Variants in LAMA3 observed in about 807,000 individuals in gnomAD.
LAMA3 encodes laminin subunit alpha 3.
In LAMA3, 281 loss-of-function variants were observed where a neutral mutation model predicts 402.0. The ratio of observed to expected loss-of-function variants is 0.70; its 90% confidence interval spans 0.63 to 0.77. The LOEUF is 0.77. Among genes scored for constraint, LAMA3 ranks in the 30% least tolerant of loss-of-function variants. The probability of loss-of-function intolerance (pLI) is 0.00; values close to 1 mark genes in which losing one functional copy is unlikely to be tolerated. For missense variants in LAMA3, 3,840 were observed against 4,215.5 expected (o/e 0.91, Z 2.47); for synonymous variants, 1,431 against 1,558.4 (o/e 0.92, Z 1.93).
intron 12 of LAMA3, among the ~76,000 whole-genome samples, chr18:23,799,250 T>C (rs2062824253): frequency 6.6e-6 from 1 of 151,988 alleles, no homozygotes; most frequent in South Asian, 2.1e-4. Context: ...CAATGAGGAG[T>C]AGACAAGAAA....
chr18:23,805,125 G>A (rs1447963754), intron 12 of LAMA3, among the ~76,000 whole-genome samples: 1 of 152,132 alleles, frequency 6.6e-6, no homozygotes, highest in African/African-American at 2.4e-5. Context: ...CTAAAGGTGT[G>A]AAGGAAAAAA....
intron 23 of LAMA3, among the ~76,000 whole-genome samples, chr18:23,828,213 T>C (rs2063423056): frequency 6.6e-6 from 1 of 152,216 alleles, no homozygotes; most frequent in South Asian, 2.1e-4. Context: ...ATTAAATTTG[T>C]GGGATGAAAA....
intron 7 of LAMA3, among the ~76,000 whole-genome samples, chr18:23,759,330 C>CAAAAAAA (rs34457452): frequency 8.9e-6 from 1 of 112,624 alleles, no homozygotes; most frequent in Non-Finnish European, 1.9e-5. Flanking sequence ...AAGATCCTGT[C>CAAAAAAA]AAAAAAAAAA....
In LAMA3 at chr18:23,943,974, A is replaced by G; in HGVS notation, c.9210+3A>G. 1 of 1,613,708 alleles carries G rather than the reference A, an allele frequency of 6.2e-7. No individual in the cohort carries two copies. The highest frequency in any genetic ancestry group is 8.5e-7 in the Non-Finnish European group (1 of 1,179,698). ...GCAATGATGGGAAATGGCACACGGT[A>G]AGAGCTGGGGCTGTGTCAGTATCTC... On this transcript the variant is annotated splice_donor_region_variant and intron_variant, in intron 69 of 74. Coordinates refer to ENST00000313654, the MANE Select transcript of LAMA3 (RefSeq NM_198129.4).
chr18:23,756,660 G>A (rs910292250), intron 6 of LAMA3, among the ~76,000 whole-genome samples: 3 of 152,116 alleles, frequency 2.0e-5, no homozygotes, highest in African/African-American at 7.2e-5. Context: ...TCCATCTACC[G>A]CAGTGAGACA....
intron 3 of LAMA3, 73 bp from the exon 4 acceptor site, chr18:23,749,355 A>G: frequency 2.4e-6 from 2 of 819,520 alleles, no homozygotes; most frequent in Admixed American, 2.1e-5. Flanking sequence ...TTAAGGAAAC[A>G]TAAGGCTTCT....
intron 23 of LAMA3, among the ~76,000 whole-genome samples, chr18:23,833,380 A>G (rs1378325234): frequency 9.9e-6 from 1 of 101,316 alleles, no homozygotes; most frequent in Non-Finnish European, 1.9e-5. Flanking sequence ...CCTTGATACA[A>G]TTTAAAACTT....
chr18:23,937,334 G>A (rs922263426), intron 67 of LAMA3, among the ~76,000 whole-genome samples: 1 of 137,202 alleles, frequency 7.3e-6, no homozygotes, highest in Non-Finnish European at 1.5e-5. Context: ...CCACTGCACT[G>A]CAGCCCGGGC....
intron 11 of LAMA3, among the ~76,000 whole-genome samples, 175 bp from the exon 12 acceptor site, chr18:23,783,848 T>G (rs1238186884): frequency 1.3e-5 from 2 of 152,156 alleles, no homozygotes; most frequent in Non-Finnish European, 2.9e-5. Context: ...CTCTGACCTT[T>G]TGTGAATTTT....
intron 32 of LAMA3, among the ~76,000 whole-genome samples, chr18:23,857,171 G>T (rs547047389): frequency 6.0e-5 from 9 of 151,060 alleles, no homozygotes; most frequent in African/African-American, 2.2e-4. Context: ...TGCTAAGATG[G>T]TGTGTCTCAT....
chr18:23,730,637 G>A (rs1241130846), intron 2 of LAMA3, among the ~76,000 whole-genome samples: 1 of 151,916 alleles, frequency 6.6e-6, no homozygotes, highest in African/African-American at 2.4e-5. Context: ...AAAGTGCTGG[G>A]ATTACAGGCA....
At chr18:23,750,603 T>C (rs1463482532) in intron 4 of LAMA3, among the ~76,000 whole-genome samples, 1 of 152,086 alleles carries the variant, frequency 6.6e-6, no homozygotes, top group East Asian at 1.9e-4. Context: ...TTTAACATTA[T>C]GTTTTCAACA....
intron 62 of LAMA3, among the ~76,000 whole-genome samples, chr18:23,924,262 C>G (rs974368818): frequency 1.3e-5 from 2 of 152,174 alleles, no homozygotes; most frequent in African/African-American, 4.8e-5. Context: ...AGTGATTCTC[C>G]TACCTTGGCC....
rs762558859 is a variant in LAMA3 at position 23,931,140 on chromosome 18, T to G, written c.8515T>G (p.Ser2839Ala). ...TSDSGGPIFK[S>A]PQTYMDGLLH... ...CGATAGCGGCGGCCCAATTTTTAAA[T>G]CTCCACAGACGTATATGGATGGTTT... The change falls in exon 65 of 75, where the codon TCT becomes GCT. Residue 2839 changes from serine (S) to alanine (A), a missense_variant. Around this residue, in one of 3 missense-constraint regions of LAMA3, gnomAD observed 840 missense variants for 981.9 expected, o/e 0.86. Transcript: ENST00000313654. 2 of 1,613,542 alleles carry G rather than the reference T, an allele frequency of 1.2e-6. No homozygotes were observed. Among genetic ancestry groups the G allele is most frequent in the Non-Finnish European group, 1.7e-6 (2 of 1,179,428 alleles).
chr18:23,876,178 G>A (rs1450139043), intron 38 of LAMA3, 116 bp from the exon 39 acceptor site: 1 of 730,170 alleles, frequency 1.4e-6, no homozygotes, highest in Admixed American at 2.0e-5. Context: ...AGCAGAGTGA[G>A]ACCCTGTCTA....
At chr18:23,793,628 C>T (rs1473453213) in intron 12 of LAMA3, among the ~76,000 whole-genome samples, 1 of 151,958 alleles carries the variant, frequency 6.6e-6, no homozygotes, top group Non-Finnish European at 1.5e-5. Flanking sequence ...AAACTCTTTC[C>T]TCTAACTGTG....
chr18:23,888,984 C>CTT (rs920455204), intron 41 of LAMA3, among the ~76,000 whole-genome samples: 1 of 150,948 alleles, frequency 6.6e-6, no homozygotes. Flanking sequence ...GATCTTTAAA[C>CTT]TTGTAAACCA....
chr18:23,949,955 T>C, intron 71 of LAMA3, 31 bp downstream of exon 71: 1 of 1,614,132 alleles, frequency 6.2e-7, no homozygotes. Flanking sequence ...ATTTAAGTCT[T>C]TGCATCTTAA....
At chr18:23,749,272 T>G (rs1251016260) in intron 3 of LAMA3, among the ~76,000 whole-genome samples, 156 bp from the exon 4 acceptor site, 1 of 152,230 alleles carries the variant, frequency 6.6e-6, no homozygotes, top group Non-Finnish European at 1.5e-5. Context: ...TTTCATGAAT[T>G]AAAAACTCCA....
Sources: allele counts gnomAD v4.1 joint callset (sites outside exome capture counted in the v4.1 genomes callset), GRCh38; gene constraint gnomAD v4.1.1; regional missense constraint gnomAD v4.1.1; transcripts MANE v1.5; gene names NCBI Gene and HGNC (gene_info 2026-07-23, HGNC 2026-07-21).